Variants in ANKS1B observed in about 807,000 individuals in gnomAD.
The protein encoded by ANKS1B is ankyrin repeat and sterile alpha motif domain-containing protein 1B.
In ANKS1B, 36 loss-of-function variants were observed where a neutral mutation model predicts 148.3. That is an observed-to-expected ratio of 0.24 (90% confidence interval 0.19 to 0.32). The LOEUF (loss-of-function observed/expected upper bound fraction) is 0.32. ANKS1B is among the 10% of genes least tolerant of loss of function. The probability of loss-of-function intolerance (pLI) is 1.00; values close to 1 mark genes in which losing one functional copy is unlikely to be tolerated. For synonymous variants in ANKS1B, 542 were observed against 560.8 expected (o/e 0.97, Z 0.47); for missense variants, 1,157 against 1,542.6 (o/e 0.75, Z 4.19).
chr12:99,052,720 G>C (rs1439477377), intron 17 of ANKS1B, among the ~76,000 whole-genome samples: 1 of 87,454 alleles, frequency 1.1e-5, no homozygotes, highest in Non-Finnish European at 1.9e-5. Context: ...GGGCGACAGA[G>C]CGAGACTCCG....
chr12:98,835,113 ATTATTATT>A (rs981587834), intron 17 of ANKS1B, among the ~76,000 whole-genome samples: 1 of 136,036 alleles, frequency 7.4e-6, no homozygotes, highest in Admixed American at 6.9e-5. Flanking sequence ...TATTATTATT[ATTATTATT>A]ATTATTTACA....
intron 10 of ANKS1B, among the ~76,000 whole-genome samples, chr12:99,464,922 G>C (rs2096070030): frequency 6.6e-6 from 1 of 152,080 alleles, no homozygotes; most frequent in African/African-American, 2.4e-5. Context: ...CCAACATTCA[G>C]ATTCAGGAAA....
At chr12:99,405,364 T>C (rs2094507177) in intron 11 of ANKS1B, among the ~76,000 whole-genome samples, 1 of 145,630 alleles carries the variant, frequency 6.9e-6, no homozygotes, top group South Asian at 2.1e-4. Flanking sequence ...AAGACATAAA[T>C]AGAAACAACA....
chr12:99,087,190 C>T (rs2052195269), intron 15 of ANKS1B, among the ~76,000 whole-genome samples: 1 of 152,226 alleles, frequency 6.6e-6, no homozygotes, highest in Non-Finnish European at 1.5e-5. Context: ...GTGAGACTAA[C>T]ATCTTTCCCT....
At chr12:99,324,181 C>A (rs935458559) in intron 12 of ANKS1B, among the ~76,000 whole-genome samples, 4 of 152,250 alleles carry the variant, frequency 2.6e-5, no homozygotes, top group African/African-American at 7.2e-5. Flanking sequence ...ATCCTATACA[C>A]CTAAAATAAC....
intron 17 of ANKS1B, among the ~76,000 whole-genome samples, chr12:98,973,684 G>A (rs1201299043): frequency 1.3e-5 from 2 of 151,980 alleles, no homozygotes; most frequent in Admixed American, 6.6e-5. Context: ...TGGACACAAG[G>A]TATTACCGTG....
Position 99,764,315 on chromosome 12 carries a change from A to G in ANKS1B, c.1128+8607T>C, listed in dbSNP as rs74921775. On this transcript the variant is annotated intron_variant, in intron 8 of 26. Transcript: ENST00000683438. ...ATGATGCAAATAGTTAGATCTAAAT[A>G]GAAGGATCAAAAATAGTTTTCAATA... 4.2e-3 allele frequency among the ~76,000 whole-genome samples: 642 copies of G among 152,382 alleles called. 5 individuals carry two copies. The highest frequency in any genetic ancestry group is 0.015 in the African/African-American group (607 of 41,592).
intron 8 of ANKS1B, among the ~76,000 whole-genome samples, chr12:99,743,768 T>C (rs549328810): frequency 3.9e-5 from 6 of 152,306 alleles, no homozygotes; most frequent in Admixed American, 3.3e-4. Context: ...TGTGGAAATT[T>C]CCCAAGACAA....
At chr12:99,936,935 A>T (rs1330943854) in intron 1 of ANKS1B, among the ~76,000 whole-genome samples, 1 of 152,202 alleles carries the variant, frequency 6.6e-6, no homozygotes, top group Non-Finnish European at 1.5e-5. Context: ...TTTAAAGTGG[A>T]AACAGGTACA....
intron 17 of ANKS1B, among the ~76,000 whole-genome samples, chr12:98,856,703 C>T (rs1208337550): frequency 6.6e-6 from 1 of 152,080 alleles, no homozygotes; most frequent in African/African-American, 2.4e-5. Flanking sequence ...GGACAGCAGC[C>T]TCAGGGAGAT....
chr12:99,574,086 T>C (rs1484544060), intron 9 of ANKS1B, among the ~76,000 whole-genome samples: 2 of 152,064 alleles, frequency 1.3e-5, no homozygotes, highest in Non-Finnish European at 2.9e-5. Context: ...ATCCAGTGTT[T>C]TGTCAGTGGG....
At chr12:99,138,488 G>A (rs1346252483) in intron 15 of ANKS1B, among the ~76,000 whole-genome samples, 2 of 152,162 alleles carry the variant, frequency 1.3e-5, no homozygotes, top group South Asian at 2.1e-4. Context: ...TGGTTAATTA[G>A]TCTCAGACAG....
At chr12:99,881,637 A>G (rs2092501891) in intron 1 of ANKS1B, among the ~76,000 whole-genome samples, 1 of 152,204 alleles carries the variant, frequency 6.6e-6, no homozygotes, top group Non-Finnish European at 1.5e-5. Context: ...GACTTGAGAA[A>G]TGAATTAAAC....
intron 14 of ANKS1B, among the ~76,000 whole-genome samples, chr12:99,228,672 G>T (rs1362500141): frequency 6.6e-6 from 1 of 151,858 alleles, no homozygotes; most frequent in Admixed American, 6.6e-5. Flanking sequence ...AAGTCACTAG[G>T]ATATACATAC....
chr12:99,616,094 G>A (rs1179470471), intron 9 of ANKS1B, among the ~76,000 whole-genome samples: 1 of 152,118 alleles, frequency 6.6e-6, no homozygotes, highest in African/African-American at 2.4e-5. Context: ...GGATGTGAAG[G>A]ACCTTTTCAA....
At chr12:99,632,691 T>C (rs2098173845) in intron 9 of ANKS1B, among the ~76,000 whole-genome samples, 1 of 140,364 alleles carries the variant, frequency 7.1e-6, no homozygotes, top group Non-Finnish European at 1.6e-5. Flanking sequence ...TGGGGCCTGT[T>C]ACTCCTTTCT....
intron 1 of ANKS1B, among the ~76,000 whole-genome samples, chr12:99,946,264 T>C (rs1319654697): frequency 6.6e-6 from 1 of 152,226 alleles, no homozygotes; most frequent in Admixed American, 6.5e-5. Flanking sequence ...CATTCTTGGC[T>C]AGATCAGTGA....
intron 8 of ANKS1B, among the ~76,000 whole-genome samples, chr12:99,676,086 T>C (rs12423008): frequency 0.12 from 18,880 of 152,118 alleles, 1,787 homozygotes; most frequent in East Asian, 0.46. Context: ...GAGTGAGTTC[T>C]GATGGTTTCA....
At chr12:99,923,124 T>G (rs892404676) in intron 1 of ANKS1B, among the ~76,000 whole-genome samples, 3 of 152,136 alleles carry the variant, frequency 2.0e-5, no homozygotes, top group African/African-American at 7.2e-5. Context: ...GAATGGTAAC[T>G]CACCTAATAT....
Sources: gnomAD v4.1 joint callset for allele counts (sites outside exome capture counted in the v4.1 genomes callset) on GRCh38, gnomAD v4.1.1 for gene constraint, MANE v1.5 for transcripts, NCBI Gene and HGNC (gene_info 2026-07-23, HGNC 2026-07-21) for gene names.